Variants in SPIDR observed in about 807,000 individuals in gnomAD.
The protein encoded by SPIDR is DNA repair-scaffolding protein.
Under a neutral mutation model 104.6 loss-of-function variants are expected in SPIDR, and 93 were observed. The ratio of observed to expected loss-of-function variants is 0.89; its 90% CI spans 0.75 to 1.06. SPIDR has a LOEUF of 1.06. Among genes scored for constraint, SPIDR ranks in the 50% least tolerant of loss-of-function variants. SPIDR has a pLI of 0.00. For synonymous variants in SPIDR, 431 were observed against 416.9 expected, an observed-to-expected ratio of 1.03 and a Z score of -0.41; for missense variants, 1,154 against 1,111.2, an observed-to-expected ratio of 1.04 and a Z score of -0.55.
chr8:47,615,472 CTT>C (rs11345219), intron 10 of SPIDR, among the ~76,000 whole-genome samples: 63,365 of 110,232 alleles, frequency 0.57, 17,713 homozygotes, highest in Admixed American at 0.71. Flanking sequence ...CGAAAATAGC[CTT>C]TTTTTTTTTT....
At chr8:47,465,268 C>G (rs782613080) in intron 8 of SPIDR, among the ~76,000 whole-genome samples, 1 of 152,180 alleles carries the variant, frequency 6.6e-6, no homozygotes, top group Non-Finnish European at 1.5e-5. Context: ...CCATAAGTTA[C>G]TTAAGTACAC....
chr8:47,511,440 C>A, intron 8 of SPIDR: 1 of 792,750 alleles, frequency 1.3e-6, no homozygotes, highest in Non-Finnish European at 2.3e-6. Flanking sequence ...GATGTTCCTC[C>A]ATATCCAAGT....
intron 16 of SPIDR, among the ~76,000 whole-genome samples, chr8:47,726,597 G>A (rs149457436): frequency 5.9e-5 from 9 of 152,296 alleles, no homozygotes; most frequent in Admixed American, 2.6e-4. Context: ...CTGAGGCCCC[G>A]TGTGGCCCGC....
At chr8:47,376,710 G>T (rs2058699360) in intron 5 of SPIDR, among the ~76,000 whole-genome samples, 1 of 151,298 alleles carries the variant, frequency 6.6e-6, no homozygotes, top group African/African-American at 2.4e-5. Flanking sequence ...TGTAGTGTAG[G>T]TCATCTGAAT....
At chr8:47,393,118 C>T (rs1298012336) in intron 5 of SPIDR, among the ~76,000 whole-genome samples, 1 of 152,170 alleles carries the variant, frequency 6.6e-6, no homozygotes, top group Non-Finnish European at 1.5e-5. Context: ...CTTAGAACTC[C>T]AGACCTGCAG....
intron 5 of SPIDR, among the ~76,000 whole-genome samples, chr8:47,380,086 G>T (rs2059150288): frequency 6.6e-6 from 1 of 152,186 alleles, no homozygotes; most frequent in Non-Finnish European, 1.5e-5. Flanking sequence ...GGGTCCAGGG[G>T]CATAAGTGAA....
chr8:47,403,250 A>C (rs2062175905), intron 6 of SPIDR, among the ~76,000 whole-genome samples: 2 of 152,232 alleles, frequency 1.3e-5, no homozygotes, highest in African/African-American at 4.8e-5. Flanking sequence ...CCAATATCAT[A>C]CTGAATGAGC....
chr8:47,722,348 C>CTTTTA lies in SPIDR; in HGVS notation c.2342-4842_2342-4838dup, dbSNP rs544042399. The stretch of plus-strand genomic sequence containing the variant: ...CTTTCTTCCTTCTCAATCTGTGTAT[C>CTTTTA]TTTTATTTTATTTTCTTGTCTTACT... On this transcript the variant is annotated intron_variant, in intron 16 of 19. Transcript: ENST00000297423. Among the ~76,000 whole-genome samples, 459 of 152,192 alleles carry CTTTTA rather than the reference C, an allele frequency of 3.0e-3. 3 individuals carry two copies. Among genetic ancestry groups the CTTTTA allele is most frequent in the African/African-American group, 0.01 (419 of 41,526 alleles).
At chr8:47,392,666 G>T (rs1588107205) in intron 5 of SPIDR, among the ~76,000 whole-genome samples, 1 of 152,322 alleles carries the variant, frequency 6.6e-6, no homozygotes, top group African/African-American at 2.4e-5. Context: ...ATTCTTCACT[G>T]AGGAAATTCA....
chr8:47,304,608 C>T (rs376632124), intron 5 of SPIDR, among the ~76,000 whole-genome samples: 4 of 152,336 alleles, frequency 2.6e-5, no homozygotes, highest in South Asian at 2.1e-4. Context: ...CCCCTGCTTT[C>T]ACCATGTGAA....
chr8:47,448,070 T>C (rs781847378), intron 8 of SPIDR, among the ~76,000 whole-genome samples: 1 of 152,242 alleles, frequency 6.6e-6, no homozygotes, highest in Admixed American at 6.5e-5. Flanking sequence ...CTCCAAGATA[T>C]GACTGTACTT....
chr8:47,657,503 G>A (rs944668847), intron 10 of SPIDR, among the ~76,000 whole-genome samples: 16 of 152,160 alleles, frequency 1.1e-4, no homozygotes, highest in Non-Finnish European at 2.2e-4. Context: ...AGAAGGTACA[G>A]GATCCTACAC....
chr8:47,349,251 C>T (rs1053101566), intron 5 of SPIDR, among the ~76,000 whole-genome samples: 1 of 152,300 alleles, frequency 6.6e-6, no homozygotes, highest in African/African-American at 2.4e-5. Context: ...CACTCCAGAC[C>T]CTGTTTGCCT....
At position 47,591,745 on chromosome 8, in the gene SPIDR, G is replaced by A. The variant is rs368115974; in HGVS notation, c.1098-4066G>A. 3.7e-3 allele frequency among the ~76,000 whole-genome samples: 569 copies of A among 151,864 alleles called. 3 individuals carry two copies. The highest frequency in any genetic ancestry group is 0.022 in the South Asian group (106 of 4,810). ...ATGCAATTAGATCACCAAAAAAGGG[G>A]GAAAGGAACCCATAAAATTAAACTA... is the stretch of plus-strand genomic sequence containing the variant. On this transcript the variant is annotated intron_variant, in intron 8 of 19. Transcript: ENST00000297423.
At chr8:47,678,038 C>CAAA (rs532756664) in intron 11 of SPIDR, among the ~76,000 whole-genome samples, 1 of 107,910 alleles carries the variant, frequency 9.3e-6, no homozygotes, top group East Asian at 2.6e-4. Context: ...ACCTCCACCT[C>CAAA]AAAAAAAAAA....
rs148349822 is a variant in SPIDR at position 47,313,609 on chromosome 8, A to G, written c.525+19579A>G. 2.6e-3 allele frequency among the ~76,000 whole-genome samples: 398 copies of G among 152,328 alleles called. 1 individual carries two copies. Among genetic ancestry groups the G allele is most frequent in the Non-Finnish European group, 4.6e-3 (316 of 68,026 alleles). ...AAAAAGAGCCCGCATTGCCGAGTCA[A>G]TCCTAAGCCAAAAGAACAAAGCCGG... On this transcript the variant is annotated intron_variant, in intron 5 of 19. Transcript: ENST00000297423.
intron 2 of SPIDR, among the ~76,000 whole-genome samples, chr8:47,282,895 G>A (rs1398686971): frequency 6.0e-5 from 9 of 150,410 alleles, no homozygotes; most frequent in East Asian, 5.9e-4. Flanking sequence ...TGTCTCTGTC[G>A]CTCGGGGTGG....
chr8:47,466,785 T>G, intron 8 of SPIDR, among the ~76,000 whole-genome samples: 1 of 146,946 alleles, frequency 6.8e-6, no homozygotes, highest in Non-Finnish European at 1.5e-5. Flanking sequence ...GCAAACCAAC[T>G]CAGAAGCTAG....
intron 11 of SPIDR, among the ~76,000 whole-genome samples, chr8:47,675,177 C>T (rs1157163221): frequency 6.6e-6 from 1 of 152,170 alleles, no homozygotes; most frequent in Non-Finnish European, 1.5e-5. Context: ...GCTGGAATTA[C>T]AGGCATGCGC....
Sources: allele counts gnomAD v4.1 joint callset (sites outside exome capture counted in the v4.1 genomes callset), GRCh38; gene constraint gnomAD v4.1.1; transcripts MANE v1.5; gene names NCBI Gene and HGNC (gene_info 2026-07-23, HGNC 2026-07-21).